The following TOP3B variants were observed in gnomAD, a reference collection of about 807,000 sequenced individuals.
TOP3B encodes the protein DNA topoisomerase 3-beta-1.
A neutral mutation model predicts 93.9 loss-of-function variants in TOP3B; 45 were observed. The observed-to-expected ratio is 0.48, with a 90% confidence interval of 0.38 to 0.61. The LOEUF is 0.61. TOP3B is among the 20% of genes least tolerant of loss of function. The probability of loss-of-function intolerance (pLI) is 0.00; values close to 1 mark genes in which losing one functional copy is unlikely to be tolerated. For synonymous variants in TOP3B, 357 were observed against 472.6 expected (o/e 0.76, Z 3.17); for missense variants, 750 against 1,156.1 (o/e 0.65, Z 5.09).
At chr22:21,967,827 C>T in intron 7 of TOP3B, 111 bp from the exon 8 acceptor site, 2 of 797,890 alleles carry the variant, frequency 2.5e-6, no homozygotes, top group Non-Finnish European at 4.2e-6. Flanking sequence ...AGCCAAATAG[C>T]CCTGGCTGTA....
rs1408237383 is a variant in TOP3B, at chr22:21,974,369, G to A, written c.190C>T (p.Leu64=). ...TAGAGGGGCTTACCCAGGAAATCCA[G>A]GGTCATCACGTGACCACAGACAGAC... ...MTSVCGHVMT[L]DFLGKYNKWD... The change falls in exon 3 of 18, where the codon CTG becomes TTG. Residue 64 remains leucine (L), a synonymous_variant. Coordinates refer to ENST00000357179, the MANE Select transcript of TOP3B (RefSeq NM_001282112.2). 1.9e-6 allele frequency: 3 copies of A among 1,613,984 alleles called. No homozygotes were observed. The Admixed American group carries it at 5.0e-5, about 27-fold the overall frequency.
Position 21,970,654 on chromosome 22 carries a change from AC to A in TOP3B, c.385-249del. ...TGGCTTCCTTTACTCCCATCTAGAA[AC>A]ATACTCGAACACTCCCTTCTTACTC... is the stretch of plus-strand genomic sequence containing the variant. On this transcript the variant is annotated intron_variant, in intron 5 of 17. Coordinates refer to ENST00000357179, the MANE Select transcript of TOP3B (RefSeq NM_001282112.2). This position sits in a 1 kb window ranked among gnomAD's most constrained non-coding sequence, Gnocchi z 4.4. 1 of 540,416 alleles carries A rather than the reference AC, an allele frequency of 1.9e-6. No individual in the cohort carries two copies. The highest frequency in any genetic ancestry group is 3.1e-5 in the Admixed American group (1 of 32,208). 33.5% of individuals were successfully genotyped at this position (540,416 alleles called of 1,614,324 possible).
At position 21,971,012 on chromosome 22, in the gene TOP3B, G is replaced by A. The variant is rs2071615258; in HGVS notation, c.385-606C>T. The A allele has an allele frequency of 5.4e-6, 7 of 1,299,186 alleles. No individual in the cohort carries two copies. Among genetic ancestry groups the A allele is most frequent in the East Asian group, 5.6e-5 (1 of 17,836 alleles). The allele number at this position is 1,299,186 out of a possible 1,614,324, so 80.5% of individuals were successfully genotyped here. On this transcript the variant is annotated intron_variant, in intron 5 of 17. Coordinates refer to ENST00000357179, the MANE Select transcript of TOP3B (RefSeq NM_001282112.2). This position sits in a 1 kb window ranked among gnomAD's most constrained non-coding sequence, Gnocchi z 4.6. Reference sequence around the variant, plus strand: ...GCCGTGCAGTGGGACTAGGGTCGCCGCCGGAGCCTGGCCACGCAGCTTCCT... The same window carrying A: ...GCCGTGCAGTGGGACTAGGGTCGCCACCGGAGCCTGGCCACGCAGCTTCCT...
At chr22:21,967,485 T>G in intron 8 of TOP3B, 118 bp downstream of exon 8, 1 of 781,076 alleles carries the variant, frequency 1.3e-6, no homozygotes, top group Non-Finnish European at 2.2e-6. Context: ...GATGTCTGTG[T>G]TTCAGAAAGG....
Position 21,963,719 on chromosome 22 carries a change from G to T in TOP3B, c.1204+204C>A. The T allele has an allele frequency of 1.7e-6, 1 of 587,868 alleles. No individual in the cohort carries two copies. Among genetic ancestry groups the T allele is most frequent in the Non-Finnish European group, 3.0e-6 (1 of 334,376 alleles). The allele number at this position is 587,868 out of a possible 1,614,324, so 36.4% of individuals were successfully genotyped here. The stretch of plus-strand genomic sequence containing the variant: ...GTGGCGTCTGCCCCCTTGCCTCCCT[G>T]CAACAGCACCTGCTGCTACCTCTTC... On this transcript the variant is annotated intron_variant, in intron 11 of 17. Transcript: ENST00000357179. This position sits in a 1 kb window ranked among gnomAD's most constrained non-coding sequence, Gnocchi z 4.8.
chr22:21,979,785 CTA>C (rs1159926374), intron 1 of TOP3B, among the ~76,000 whole-genome samples: 1 of 151,670 alleles, frequency 6.6e-6, no homozygotes, highest in Non-Finnish European at 1.5e-5. Context: ...ACTAAAAATA[CTA>C]AAAATTAGCT....
intron 1 of TOP3B, among the ~76,000 whole-genome samples, chr22:21,979,758 G>T (rs1388669636): frequency 6.6e-6 from 1 of 151,852 alleles, no homozygotes; most frequent in African/African-American, 2.4e-5. Flanking sequence ...TGACTAACGT[G>T]GTGAAACCCC....
rs1219028019 is a variant in TOP3B at position 21,960,516 on chromosome 22, A to T, written c.1526-67T>A. On this transcript the variant is annotated intron_variant, in intron 13 of 17. Coordinates refer to ENST00000357179, the MANE Select transcript of TOP3B (RefSeq NM_001282112.2). ...CATGCCCCACTGAACCATGTGCTGT[A>T]TCACCTGTCACGGGGCCCCTGGTGC... 3.1e-6 allele frequency: 5 copies of T among 1,597,454 alleles called. No homozygotes were observed. In the African/African-American group the frequency reaches 4.0e-5, roughly 13 times the overall value.
At chr22:21,969,948 T>TTG in intron 6 of TOP3B, 1 of 279,020 alleles carries the variant, frequency 3.6e-6, no homozygotes, top group Admixed American at 4.8e-5. Context: ...TTTTTTTTTT[T>TTG]TTGTAGAGAT....
In TOP3B at chr22:21,970,811, G is replaced by T; in HGVS notation, c.385-405C>A. On this transcript the variant is annotated intron_variant, in intron 5 of 17. Transcript: ENST00000357179. The surrounding 1 kb of genome is among the most constrained non-coding windows in gnomAD (Gnocchi z 4.4). ...GATTCCCTGCCTTCTAGGAGGGAGG[G>T]TTTGGAGGGGTGGGTGGAAATTTTA... The T allele has an allele frequency of 3.2e-6, 1 of 310,982 alleles. No homozygotes were observed. Among genetic ancestry groups the T allele is most frequent in the Middle Eastern group, 1.2e-3 (1 of 816 alleles). 19.3% of individuals were successfully genotyped at this position (310,982 alleles called of 1,614,324 possible).
In TOP3B at chr22:21,963,179, C is replaced by G. The variant is rs1056110427; in HGVS notation, c.1205-286G>C. 7 of 322,308 alleles carry G rather than the reference C, an allele frequency of 2.2e-5. No individual in the cohort carries two copies. Among genetic ancestry groups the G allele is most frequent in the Non-Finnish European group, 3.5e-5 (6 of 169,064 alleles). 20.0% of individuals were successfully genotyped at this position (322,308 alleles called of 1,614,324 possible). On this transcript the variant is annotated intron_variant, in intron 11 of 17. Coordinates refer to ENST00000357179, the MANE Select transcript of TOP3B (RefSeq NM_001282112.2). This position sits in a 1 kb window ranked among gnomAD's most constrained non-coding sequence, Gnocchi z 4.8. The stretch of plus-strand genomic sequence containing the variant: ...TGAAACCCCGTCTCTACTAAAAATA[C>G]AAAGAAATTAGCTGGGTGTGGTGGT...
chr22:21,958,577 G>A lies in TOP3B; in HGVS notation c.2022C>T (p.Val674=), dbSNP rs767828228. The change falls in exon 17 of 18, where the codon GTC becomes GTT. Residue 674 remains valine (V), a synonymous_variant. Transcript: ENST00000357179. ...LRCPLDDFEL[V]LWSSGSRGKS... ...TGCCCCGAGAGCCTGATGACCACAGGACCAGCTCGAAGTCATCCAGAGGGC... is the reference window on the plus strand; with the variant it reads ...TGCCCCGAGAGCCTGATGACCACAGAACCAGCTCGAAGTCATCCAGAGGGC... 48 of 1,614,008 alleles carry A rather than the reference G, an allele frequency of 3.0e-5. No homozygotes were observed. In the South Asian group the frequency reaches 3.7e-4, roughly 13 times the overall value.
rs752637705 is a variant in TOP3B, at chr22:21,962,428, C to G, written c.1525+1G>C. Reference sequence around the variant, plus strand: ...TCTGGGGCCTGGGCAGGCGCACCCACCGATGCCATGCTTCTCCATGAGCGT... The same window carrying G: ...TCTGGGGCCTGGGCAGGCGCACCCAGCGATGCCATGCTTCTCCATGAGCGT... On this transcript the variant is annotated splice_donor_variant, in intron 13 of 17. Coordinates refer to ENST00000357179, the MANE Select transcript of TOP3B (RefSeq NM_001282112.2). LOFTEE classifies it high-confidence loss of function. 1.2e-6 allele frequency: 2 copies of G among 1,613,486 alleles called. No homozygotes were observed. The highest frequency in any genetic ancestry group is 8.5e-7 in the Non-Finnish European group (1 of 1,180,028).
Position 21,974,620 on chromosome 22 carries a change from G to A in TOP3B, c.71-132C>T, listed in dbSNP as rs1176941176. ...CCAGAGTGGTGAGTGACGACATTCCGCAGACTGGTGCGGGTAGTTGGGCAC... is the reference window on the plus strand; with the variant it reads ...CCAGAGTGGTGAGTGACGACATTCCACAGACTGGTGCGGGTAGTTGGGCAC... On this transcript the variant is annotated intron_variant, in intron 2 of 17. Coordinates refer to ENST00000357179, the MANE Select transcript of TOP3B (RefSeq NM_001282112.2). The A allele has an allele frequency of 7.3e-5, 74 of 1,019,154 alleles. 1 individual carries two copies. Among genetic ancestry groups the A allele is most frequent in the Admixed American group, 3.4e-4 (12 of 35,352 alleles). 63.1% of individuals were successfully genotyped at this position (1,019,154 alleles called of 1,614,324 possible). A position where few individuals can be genotyped will look rare whatever the true frequency, so the allele number is the denominator to read the frequency against.
At chr22:21,960,110 T>G in intron 14 of TOP3B, 1 of 747,446 alleles carries the variant, frequency 1.3e-6, no homozygotes, top group Non-Finnish European at 2.1e-6. Flanking sequence ...CCCTCACACA[T>G]CTGTTCAGCC....
chr22:21,964,458 C>T lies in TOP3B; in HGVS notation c.944-143G>A, dbSNP rs1213772956. On this transcript the variant is annotated intron_variant, in intron 9 of 17. Transcript: ENST00000357179. ...GCTCTGAGCAGGCACAGCTGGAGTG[C>T]AAAGCTGCTGGCCGGGTGGGCACCT... The T allele has an allele frequency of 2.1e-5, 20 of 958,586 alleles. 1 individual carries two copies. Among genetic ancestry groups the T allele is most frequent in the Admixed American group, 2.4e-5 (1 of 41,466 alleles). 59.4% of individuals were successfully genotyped at this position (958,586 alleles called of 1,614,324 possible). A position where few individuals can be genotyped will look rare whatever the true frequency, so the allele number is the denominator to read the frequency against.
At position 21,970,843 on chromosome 22, in the gene TOP3B, T is replaced by G; in HGVS notation, c.385-437A>C. Reference sequence around the variant, plus strand: ...GGGGTGGGTGGAAATTTTAAGAGGCTGAAGAAAAGACAGGGAAGGAAAAAA... The same window carrying G: ...GGGGTGGGTGGAAATTTTAAGAGGCGGAAGAAAAGACAGGGAAGGAAAAAA... On this transcript the variant is annotated intron_variant, in intron 5 of 17. Coordinates refer to ENST00000357179, the MANE Select transcript of TOP3B (RefSeq NM_001282112.2). This position sits in a 1 kb window ranked among gnomAD's most constrained non-coding sequence, Gnocchi z 4.4. 1 of 389,138 alleles carries G rather than the reference T, an allele frequency of 2.6e-6. No homozygotes were observed. The highest frequency in any genetic ancestry group is 4.1e-6 in the Non-Finnish European group (1 of 245,160). The allele number at this position is 389,138 out of a possible 1,614,324, so 24.1% of individuals were successfully genotyped here. A position where few individuals can be genotyped will look rare whatever the true frequency, so the allele number is the denominator to read the frequency against.
chr22:21,970,764 C>A lies in TOP3B; in HGVS notation c.385-358G>T. Reference sequence around the variant, plus strand: ...AAGTACATGAGGGACCTCTTAGTCCCCAAACCCATCCCATGTGACACGATT... The same window carrying A: ...AAGTACATGAGGGACCTCTTAGTCCACAAACCCATCCCATGTGACACGATT... On this transcript the variant is annotated intron_variant, in intron 5 of 17. Coordinates refer to ENST00000357179, the MANE Select transcript of TOP3B (RefSeq NM_001282112.2). This position sits in a 1 kb window ranked among gnomAD's most constrained non-coding sequence, Gnocchi z 4.4. 1 of 314,166 alleles carries A rather than the reference C, an allele frequency of 3.2e-6. No individual in the cohort carries two copies. The highest frequency in any genetic ancestry group is 3.3e-5 in the South Asian group (1 of 30,136). 19.5% of individuals were successfully genotyped at this position (314,166 alleles called of 1,614,324 possible). A position where few individuals can be genotyped will look rare whatever the true frequency, so the allele number is the denominator to read the frequency against.
Position 21,963,906 on chromosome 22 carries a change from T to A in TOP3B, c.1204+17A>T. On this transcript the variant is annotated intron_variant, in intron 11 of 17. Transcript: ENST00000357179. This position sits in a 1 kb window ranked among gnomAD's most constrained non-coding sequence, Gnocchi z 4.8. ...TCCCTCCCTGGAAGCACACCGGGTA[T>A]GGGATGAGAGCGGTACCTAATTCGG... 6.2e-7 allele frequency: 1 copy of A among 1,612,144 alleles called. No individual in the cohort carries two copies. Among genetic ancestry groups the A allele is most frequent in the Non-Finnish European group, 8.5e-7 (1 of 1,178,996 alleles).
Sources: gnomAD v4.1 joint callset for allele counts (sites outside exome capture counted in the v4.1 genomes callset) on GRCh38, gnomAD v4.1.1 for gene constraint, Gnocchi (gnomAD v3.1) non-coding constraint, MANE v1.5 for transcripts, NCBI Gene and HGNC (gene_info 2026-07-23, HGNC 2026-07-21) for gene names.